The following EPHA6 variants were observed in gnomAD, a reference collection of about 807,000 sequenced individuals.
The protein encoded by EPHA6 is EPH receptor A6, also known as ephrin type-A receptor 6.
In EPHA6, 50 loss-of-function variants were observed where a neutral mutation model predicts 112.0. The observed-to-expected ratio is 0.45, with a 90% CI of 0.36 to 0.56. The LOEUF is 0.56. Ranked by LOEUF, EPHA6 falls within the 20% of genes least tolerant of loss-of-function variation. EPHA6 has a pLI of 0.00. For missense variants in EPHA6, 1,280 were observed against 1,417.4 expected (o/e 0.90, Z 1.56); for synonymous variants, 529 against 490.7 (o/e 1.08, Z -1.03).
chr3:97,531,380 T>C (rs1428666181), intron 10 of EPHA6, among the ~76,000 whole-genome samples: 1 of 152,032 alleles, frequency 6.6e-6, no homozygotes, highest in Non-Finnish European at 1.5e-5. Context: ...CTGCCCTGTG[T>C]CCATGTCATT....
At chr3:96,849,265 G>T (rs1296555300) in intron 1 of EPHA6, among the ~76,000 whole-genome samples, 1 of 152,052 alleles carries the variant, frequency 6.6e-6, no homozygotes, top group Non-Finnish European at 1.5e-5. Context: ...ATATTTTATT[G>T]ATCAGTAGTA....
intron 14 of EPHA6, among the ~76,000 whole-genome samples, chr3:97,690,911 C>A (rs1311082880): frequency 6.6e-6 from 1 of 152,168 alleles, no homozygotes; most frequent in Non-Finnish European, 1.5e-5. Flanking sequence ...ATTTTCTTGA[C>A]AGTTCCACTT....
At chr3:97,141,219 A>G (rs1184528482) in intron 3 of EPHA6, among the ~76,000 whole-genome samples, 1 of 152,144 alleles carries the variant, frequency 6.6e-6, no homozygotes, top group Non-Finnish European at 1.5e-5. Flanking sequence ...ATATGTAGCC[A>G]TACAATCATA....
intron 3 of EPHA6, among the ~76,000 whole-genome samples, chr3:97,104,890 A>G (rs2047518616): frequency 6.6e-6 from 1 of 151,820 alleles, no homozygotes; most frequent in African/African-American, 2.4e-5. Flanking sequence ...TGTGTCCAGG[A>G]ATTCATCTGT....
intron 3 of EPHA6, among the ~76,000 whole-genome samples, chr3:97,094,159 G>A (rs541922036): frequency 7.8e-4 from 119 of 152,174 alleles, no homozygotes; most frequent in African/African-American, 2.8e-3. Context: ...TCCCTGTTCT[G>A]AAATATATAG....
Position 97,614,375 on chromosome 3 carries a change from A to G in EPHA6, c.2574+3521A>G, listed in dbSNP as rs549814544. ...TTTTGAGACAGAGTCTTGCTCTGTC[A>G]CCAGGCTGGAGTGTAGTGGCACGAT... On this transcript the variant is annotated intron_variant, in intron 13 of 17. Coordinates refer to ENST00000389672, the MANE Select transcript of EPHA6 (RefSeq NM_001080448.3). Among the ~76,000 whole-genome samples the G allele has an allele frequency of 4.2e-5, 6 of 142,506 alleles. No homozygotes were observed. In the East Asian group the frequency reaches 8.2e-4, roughly 19 times the overall value. The allele number at this position is 142,506 out of a possible 152,430, so 93.5% of individuals were successfully genotyped here.
intron 2 of EPHA6, among the ~76,000 whole-genome samples, chr3:96,883,206 G>A (rs2107516612): frequency 6.6e-6 from 1 of 152,168 alleles, no homozygotes; most frequent in East Asian, 1.9e-4. Flanking sequence ...TCATATGTTT[G>A]TTGGCCATTT....
chr3:97,657,660 C>T lies in EPHA6; in HGVS notation c.2784+19578C>T, dbSNP rs544291953. On this transcript the variant is annotated intron_variant, in intron 14 of 17. Coordinates refer to ENST00000389672, the MANE Select transcript of EPHA6 (RefSeq NM_001080448.3). The stretch of plus-strand genomic sequence containing the variant: ...TCTATTTTACAGAATGTTATAAGAA[C>T]GAACAGGATAATAAATAAGCTAAAT... Among the ~76,000 whole-genome samples, 150 of 151,814 alleles carry T rather than the reference C, an allele frequency of 9.9e-4. 1 individual carries two copies. The South Asian group carries it at 0.012, about 13-fold the overall frequency.
chr3:97,546,846 G>A (rs1203970976), intron 11 of EPHA6, among the ~76,000 whole-genome samples: 1 of 151,978 alleles, frequency 6.6e-6, no homozygotes, highest in African/African-American at 2.4e-5. Context: ...CTTTCTTCCA[G>A]TTGATCACAG....
intron 5 of EPHA6, among the ~76,000 whole-genome samples, chr3:97,295,613 T>C (rs79334311): frequency 0.017 from 2,589 of 151,972 alleles, 67 homozygotes; most frequent in African/African-American, 0.057. Context: ...AAACATTTCC[T>C]TTTTTTTAAT....
intron 11 of EPHA6, among the ~76,000 whole-genome samples, chr3:97,534,814 C>A (rs1176825478): frequency 1.3e-5 from 2 of 151,914 alleles, no homozygotes; most frequent in Non-Finnish European, 2.9e-5. Flanking sequence ...CTCTGGCAGG[C>A]AAAAGATAAT....
intron 3 of EPHA6, among the ~76,000 whole-genome samples, chr3:97,139,330 A>G (rs1249944120): frequency 6.6e-6 from 1 of 152,010 alleles, no homozygotes; most frequent in Non-Finnish European, 1.5e-5. Context: ...TACCATTACA[A>G]CTTCTGACAC....
chr3:96,911,621 G>T (rs2039217767), intron 2 of EPHA6, among the ~76,000 whole-genome samples: 1 of 151,924 alleles, frequency 6.6e-6, no homozygotes, highest in Non-Finnish European at 1.5e-5. Context: ...CATACATGGT[G>T]CTGGGCAAAT....
At chr3:97,135,241 C>T (rs2075737069) in intron 3 of EPHA6, among the ~76,000 whole-genome samples, 1 of 152,134 alleles carries the variant, frequency 6.6e-6, no homozygotes, top group Non-Finnish European at 1.5e-5. Flanking sequence ...CAGAACTTGG[C>T]TTTTGAGTTA....
At chr3:97,458,531 T>C (rs1187632492) in intron 7 of EPHA6, among the ~76,000 whole-genome samples, 1 of 152,194 alleles carries the variant, frequency 6.6e-6, no homozygotes. Context: ...TTATCACACG[T>C]AAGTGTGTGT....
At position 96,903,124 on chromosome 3, in the gene EPHA6, C is replaced by G. The variant is rs141364537; in HGVS notation, c.450+36235C>G. On this transcript the variant is annotated intron_variant, in intron 2 of 17. Coordinates refer to ENST00000389672, the MANE Select transcript of EPHA6 (RefSeq NM_001080448.3). ...TCTACCTGATAAAGTAGTATTTGAG[C>G]AAACTTCTAAAGAAAATGGATTCTG... is the stretch of plus-strand genomic sequence containing the variant. Among the ~76,000 whole-genome samples, 47 of 152,208 alleles carry G rather than the reference C, an allele frequency of 3.1e-4. No individual in the cohort carries two copies. In the East Asian group the frequency reaches 8.1e-3, roughly 26 times the overall value.
At chr3:97,573,936 T>C (rs1166178824) in intron 11 of EPHA6, among the ~76,000 whole-genome samples, 3 of 151,502 alleles carry the variant, frequency 2.0e-5, no homozygotes, top group Non-Finnish European at 4.4e-5. Flanking sequence ...GGGATGCAAA[T>C]AGAATAGTTC....
rs1451719738 is a variant in EPHA6 at position 97,387,316 on chromosome 3, GT to G, written c.1607-17818del. 5.2e-3 allele frequency among the ~76,000 whole-genome samples: 684 copies of G among 132,202 alleles called. 3 individuals are homozygous for G. The highest frequency in any genetic ancestry group is 0.011 in the Middle Eastern group (3 of 264). 86.7% of individuals were successfully genotyped at this position (132,202 alleles called of 152,430 possible). On this transcript the variant is annotated intron_variant, in intron 5 of 17. Transcript: ENST00000389672. The stretch of plus-strand genomic sequence containing the variant: ...CCTTTTAAATAATAGTTACAATTCA[GT>G]TTTTTTTTTTTTTTTGCTTATGCAA...
chr3:97,360,132 G>C (rs915709153), intron 5 of EPHA6, among the ~76,000 whole-genome samples: 2 of 152,114 alleles, frequency 1.3e-5, no homozygotes, highest in African/African-American at 4.8e-5. Flanking sequence ...GGCTACCCTG[G>C]CTCCCACAAG....
Sources: allele counts gnomAD v4.1 joint callset (sites outside exome capture counted in the v4.1 genomes callset), GRCh38; gene constraint gnomAD v4.1.1; transcripts MANE v1.5; gene names NCBI Gene and HGNC (gene_info 2026-07-23, HGNC 2026-07-21).